Variants in PHC2 observed in about 807,000 individuals in gnomAD.
PHC2 encodes polyhomeotic homolog 2, also known as polyhomeotic-like protein 2.
A neutral mutation model predicts 87.4 loss-of-function variants in PHC2; 29 were observed. The ratio of observed to expected loss-of-function variants is 0.33; its 90% CI spans 0.25 to 0.45. The LOEUF (loss-of-function observed/expected upper bound fraction) is 0.45, where lower values mean the gene tolerates loss of function less well. Ranked by LOEUF, PHC2 falls within the 20% of genes least tolerant of loss-of-function variation. PHC2 has a pLI of 1.00. For missense variants in PHC2, 857 were observed against 1,136.7 expected (o/e 0.75, Z 3.54); for synonymous variants, 438 against 461.7 (o/e 0.95, Z 0.66).
chr1:33,328,452 G>A (rs1412514251), intron 14 of PHC2, among the ~76,000 whole-genome samples: 1 of 140,478 alleles, frequency 7.1e-6, no homozygotes, highest in Admixed American at 7.6e-5. Flanking sequence ...CTGACCTCAC[G>A]CAATCCTTCC....
intron 6 of PHC2, 76 bp from the exon 7 acceptor site, chr1:33,367,504 G>A (rs1032923344): frequency 9.4e-6 from 11 of 1,168,772 alleles, no homozygotes; most frequent in African/African-American, 3.1e-5. Context: ...AGGGAGAGAG[G>A]GATGGATCCA....
At chr1:33,350,375 G>C (rs1328275513) in intron 9 of PHC2, 1 of 152,302 alleles carries the variant, frequency 6.6e-6, no homozygotes, top group Non-Finnish European at 1.5e-5. Context: ...GAGCGGCCTC[G>C]GGCTCGCGGT....
intron 1 of PHC2, among the ~76,000 whole-genome samples, chr1:33,405,982 TTA>T (rs1234149013): frequency 1.3e-5 from 2 of 152,200 alleles, no homozygotes; most frequent in Non-Finnish European, 2.9e-5. Context: ...AAGTACAGTG[TTA>T]TATATATGTC....
Position 33,349,795 on chromosome 1 carries a change from C to T in PHC2, c.1558+4606G>A. Reference sequence around the variant, plus strand: ...AACAAAGGGCGGCCGGGGCGCGAGGCCGGGACGGGGGCGCGAGGCCGGGGC... The same window carrying T: ...AACAAAGGGCGGCCGGGGCGCGAGGTCGGGACGGGGGCGCGAGGCCGGGGC... On this transcript the variant is annotated intron_variant, in intron 9 of 14. Transcript: ENST00000683057. The surrounding 1 kb of genome is among the most constrained non-coding windows in gnomAD (Gnocchi z 4.2). 2.0e-6 allele frequency: 2 copies of T among 977,372 alleles called. No homozygotes were observed. The highest frequency in any genetic ancestry group is 9.2e-5 in the South Asian group (2 of 21,822). The allele number at this position is 977,372 out of a possible 1,614,324, so 60.5% of individuals were successfully genotyped here.
chr1:33,344,397 T>C lies in PHC2; in HGVS notation c.1558+10004A>G, dbSNP rs1180397347. Among the ~76,000 whole-genome samples, 4 of 152,192 alleles carry C rather than the reference T, an allele frequency of 2.6e-5. No homozygotes were observed. The East Asian group carries it at 7.7e-4, about 29-fold the overall frequency. ...GACTGGGAGGAGGGAACACTAAGCC[T>C]CAGTTGTCCTGTCTATATTATGGAC... On this transcript the variant is annotated intron_variant, in intron 9 of 14. Coordinates refer to ENST00000683057, the MANE Select transcript of PHC2 (RefSeq NM_001385109.1).
At position 33,331,411 on chromosome 1, in the gene PHC2, C is replaced by A; in HGVS notation, c.1943G>T (p.Arg648Leu). The A allele has an allele frequency of 6.2e-7, 1 of 1,613,092 alleles. No homozygotes were observed. Among genetic ancestry groups the A allele is most frequent in the Non-Finnish European group, 8.5e-7 (1 of 1,179,318 alleles). ...PLKLKCELCG[R>L]VDFAYKFKRS... is the part of the protein sequence containing the mutation. ...CTTGAACTTATAGGCAAAGTCCACC[C>A]GGCCACAGAGCTCACACTTGAGTTT... Residue 648 changes from arginine to leucine, a missense_variant, in exon 12 of 15, where the codon CGG (arginine) becomes CTG (leucine). Transcript: ENST00000683057. This position sits in a 1 kb window ranked among gnomAD's most constrained non-coding sequence, Gnocchi z 5.2.
intron 7 of PHC2, among the ~76,000 whole-genome samples, chr1:33,356,694 C>T (rs1350671174): frequency 6.6e-6 from 1 of 152,206 alleles, no homozygotes; most frequent in African/African-American, 2.4e-5. Context: ...CTACTTCTTT[C>T]TACACAGACA....
intron 1 of PHC2, among the ~76,000 whole-genome samples, chr1:33,387,341 C>G (rs1221458542): frequency 2.0e-5 from 3 of 152,152 alleles, no homozygotes; most frequent in Non-Finnish European, 4.4e-5. Context: ...ATACAGCCTA[C>G]CTCCCTTGGA....
chr1:33,350,098 A>T (rs61801971), intron 9 of PHC2, among the ~76,000 whole-genome samples: 42,576 of 151,256 alleles, frequency 0.28, 6,799 homozygotes, highest in Admixed American at 0.44. Flanking sequence ...GCGCCACGCC[A>T]CGAGGAGGCT....
Position 33,328,926 on chromosome 1 carries a change from C to A in PHC2, c.2369G>T (p.Ser790Ile), listed in dbSNP as rs751380332. ...TTCTACATTCCACTTGGTGGGCTCACTTGGCAGGAAGTGGTGTCCCATGCC... is the reference window on the plus strand; with the variant it reads ...TTCTACATTCCACTTGGTGGGCTCAATTGGCAGGAAGTGGTGTCCCATGCC... ...LVGMGHHFLP[S>I]EPTKWNVEDV... Residue 790 changes from serine to isoleucine, a missense_variant, in exon 14 of 15, where the codon AGT (serine) becomes ATT (isoleucine). Ser to Ile is a moderately radical substitution (Grantham distance 142). Coordinates refer to ENST00000683057, the MANE Select transcript of PHC2 (RefSeq NM_001385109.1). 2.5e-6 allele frequency: 4 copies of A among 1,614,014 alleles called. No homozygotes were observed. Among genetic ancestry groups the A allele is most frequent in the Non-Finnish European group, 3.4e-6 (4 of 1,179,860 alleles).
At position 33,393,480 on chromosome 1, in the gene PHC2, T is replaced by C. The variant is rs967791430; in HGVS notation, c.-54-17887A>G. ...TTCAAGAGGTTTTTTTTTTTTTTTT[T>C]TTCTTCCAACAAGTACTGAGCATTT... is the stretch of plus-strand genomic sequence containing the variant. On this transcript the variant is annotated intron_variant, in intron 1 of 14. Transcript: ENST00000683057. Among the ~76,000 whole-genome samples the C allele has an allele frequency of 1.1e-4, 16 of 151,324 alleles. No individual in the cohort carries two copies. The South Asian group carries it at 2.7e-3, about 26-fold the overall frequency.
intron 7 of PHC2, among the ~76,000 whole-genome samples, chr1:33,365,261 C>T (rs562376828): frequency 4.4e-4 from 67 of 152,278 alleles, no homozygotes; most frequent in African/African-American, 1.6e-3. Context: ...ATGCAGGGCA[C>T]GTTATCTAGC....
At chr1:33,358,291 C>T (rs1240283403) in intron 7 of PHC2, among the ~76,000 whole-genome samples, 2 of 152,106 alleles carry the variant, frequency 1.3e-5, no homozygotes, top group Non-Finnish European at 2.9e-5. Context: ...CTCTCCTATC[C>T]CATTCCCTCC....
chr1:33,379,618 C>T (rs1017802097), intron 1 of PHC2, among the ~76,000 whole-genome samples: 2 of 149,118 alleles, frequency 1.3e-5, no homozygotes, highest in Non-Finnish European at 3.0e-5. Context: ...GCCCATGCTC[C>T]CTTTCACCAC....
chr1:33,374,850 A>C (rs1648073312), intron 2 of PHC2, among the ~76,000 whole-genome samples: 1 of 152,166 alleles, frequency 6.6e-6, no homozygotes, highest in African/African-American at 2.4e-5. Flanking sequence ...AAGCGTGCAA[A>C]ATGCTTAGTA....
intron 14 of PHC2, among the ~76,000 whole-genome samples, chr1:33,327,134 C>T (rs2148181943): frequency 6.6e-6 from 1 of 152,282 alleles, no homozygotes; most frequent in East Asian, 1.9e-4. Context: ...ACCATAAACC[C>T]TAGCGGATTT....
intron 1 of PHC2, among the ~76,000 whole-genome samples, chr1:33,421,353 C>T (rs913186286): frequency 2.0e-5 from 3 of 151,954 alleles, no homozygotes; most frequent in East Asian, 3.9e-4. Context: ...CGCTGACACA[C>T]AGTACTTGAG....
chr1:33,343,769 C>G (rs545794602), intron 9 of PHC2, among the ~76,000 whole-genome samples: 2 of 152,182 alleles, frequency 1.3e-5, no homozygotes, highest in African/African-American at 2.4e-5. Flanking sequence ...TTCCGTGGCC[C>G]AAACTGAGGT....
At chr1:33,365,706 G>A (rs1647410851) in intron 7 of PHC2, among the ~76,000 whole-genome samples, 1 of 152,256 alleles carries the variant, frequency 6.6e-6, no homozygotes, top group African/African-American at 2.4e-5. Flanking sequence ...GTGGGGAGGT[G>A]CCTTTCTTGG....
Sources: allele counts gnomAD v4.1 joint callset (sites outside exome capture counted in the v4.1 genomes callset), GRCh38; gene constraint gnomAD v4.1.1; non-coding constraint Gnocchi (gnomAD v3.1); transcripts MANE v1.5; gene names NCBI Gene and HGNC (gene_info 2026-07-23, HGNC 2026-07-21).